ITPR1: variants seen among roughly 807,000 people sequenced by gnomAD.
ITPR1 encodes inositol 1,4,5-trisphosphate receptor type 1.
A neutral mutation model predicts 318.4 loss-of-function variants in ITPR1; 96 were observed. The ratio of observed to expected loss-of-function variants is 0.30; its 90% confidence interval spans 0.26 to 0.36. The LOEUF (loss-of-function observed/expected upper bound fraction) is 0.36, where lower values mean the gene tolerates loss of function less well. Ranked by LOEUF, ITPR1 falls within the 10% of genes least tolerant of loss-of-function variation. ITPR1 has a pLI of 1.00. For synonymous variants in ITPR1, 1,312 were observed against 1,289.9 expected (o/e 1.02, Z -0.37); for missense variants, 2,440 against 3,460.2 (o/e 0.71, Z 7.40).
intron 4 of ITPR1, among the ~76,000 whole-genome samples, chr3:4,589,905 G>A (rs1435200237): frequency 2.0e-5 from 3 of 152,192 alleles, no homozygotes; most frequent in Non-Finnish European, 2.9e-5. Context: ...GCCTCTGGAA[G>A]TGGGCCTATC....
chr3:4,775,602 C>T (rs2046434785), intron 47 of ITPR1, among the ~76,000 whole-genome samples, 160 bp downstream of exon 47: 1 of 152,212 alleles, frequency 6.6e-6, no homozygotes, highest in African/African-American at 2.4e-5. Context: ...CATGGTGTTT[C>T]ATGATACTTC....
At chr3:4,822,324 ACT>A (rs2049780752) in intron 60 of ITPR1, among the ~76,000 whole-genome samples, 3 of 151,982 alleles carry the variant, frequency 2.0e-5, no homozygotes, top group Admixed American at 2.0e-4. Flanking sequence ...TGGTTCCAAA[ACT>A]CTGCAAGACA....
chr3:4,728,627 T>C (rs2042692052), intron 42 of ITPR1, among the ~76,000 whole-genome samples: 1 of 152,254 alleles, frequency 6.6e-6, no homozygotes, highest in Non-Finnish European at 1.5e-5. Context: ...CTTTAAAATG[T>C]ACAATTATGT....
chr3:4,525,655 T>C lies in ITPR1; in HGVS notation c.163+4561T>C, dbSNP rs182634204. 1.7e-4 allele frequency among the ~76,000 whole-genome samples: 26 copies of C among 152,298 alleles called. No homozygotes were observed. In the East Asian group the frequency reaches 5.0e-3, roughly 29 times the overall value. On this transcript the variant is annotated intron_variant, in intron 4 of 61. Coordinates refer to ENST00000649015, the MANE Select transcript of ITPR1 (RefSeq NM_001378452.1). ...AACTTTAGTTCTTTTATTAATATGG[T>C]ACCATTTTAAAGCCCCAACATCCAT...
chr3:4,647,814 A>G lies in ITPR1; in HGVS notation c.855+2086A>G, dbSNP rs1161214226. Among the ~76,000 whole-genome samples, 8 of 152,318 alleles carry G rather than the reference A, an allele frequency of 5.3e-5. No homozygotes were observed. The South Asian group carries it at 1.7e-3, about 32-fold the overall frequency. ...AAATGTTTGTTCAGATAGTTTGCCC[A>G]TTTAAAAAAATTGTCTTACCACTCT... On this transcript the variant is annotated intron_variant, in intron 10 of 61. Coordinates refer to ENST00000649015, the MANE Select transcript of ITPR1 (RefSeq NM_001378452.1).
At chr3:4,694,214 A>G (rs1455856359) in intron 33 of ITPR1, among the ~76,000 whole-genome samples, 1 of 151,620 alleles carries the variant, frequency 6.6e-6, no homozygotes, top group Non-Finnish European at 1.5e-5. Flanking sequence ...TAAGTTTTGA[A>G]GTTAATCCTT....
chr3:4,721,908 G>A (rs966922961), intron 40 of ITPR1, among the ~76,000 whole-genome samples: 1 of 152,198 alleles, frequency 6.6e-6, no homozygotes, highest in Non-Finnish European at 1.5e-5. Flanking sequence ...ACCTTAGGAA[G>A]TCTGTGTGCT....
chr3:4,818,185 A>G lies in ITPR1; in HGVS notation c.7971A>G (p.Lys2657=), dbSNP rs2049433280. Residue 2657 remains lysine (K), a synonymous_variant, in exon 60 of 62, where the codon AAA becomes AAG. Transcript: ENST00000649015. ...ATCTGTGCTTCATCGTCCTGGTGAAAGTAAAGGACTCCACCGAATATACTG... is the reference window on the plus strand; with the variant it reads ...ATCTGTGCTTCATCGTCCTGGTGAAGGTAAAGGACTCCACCGAATATACTG... ...WHYLCFIVLV[K]VKDSTEYTGP... The G allele has an allele frequency of 2.5e-6, 4 of 1,601,554 alleles. No individual in the cohort carries two copies. The East Asian group carries it at 9.0e-5, about 36-fold the overall frequency.
intron 4 of ITPR1, among the ~76,000 whole-genome samples, chr3:4,584,727 T>C (rs913872944): frequency 2.6e-5 from 4 of 152,120 alleles, no homozygotes; most frequent in African/African-American, 4.8e-5. Context: ...GAGGCTTTTT[T>C]TGTCTTTGGC....
At chr3:4,607,475 C>T (rs2091782696) in intron 4 of ITPR1, among the ~76,000 whole-genome samples, 1 of 152,154 alleles carries the variant, frequency 6.6e-6, no homozygotes, top group African/African-American at 2.4e-5. Context: ...ATGGGTTCTT[C>T]TTGCCCACTG....
chr3:4,608,729 C>T (rs1466369406), intron 4 of ITPR1, among the ~76,000 whole-genome samples: 1 of 151,920 alleles, frequency 6.6e-6, no homozygotes, highest in African/African-American at 2.4e-5. Context: ...TGCCCGGGCA[C>T]GGTGGCTCAT....
At chr3:4,701,259 A>G (rs1054148586) in intron 35 of ITPR1, among the ~76,000 whole-genome samples, 5 of 152,240 alleles carry the variant, frequency 3.3e-5, no homozygotes, top group Non-Finnish European at 7.3e-5. Flanking sequence ...CAAATCCAGC[A>G]CTTACTGGCT....
intron 4 of ITPR1, among the ~76,000 whole-genome samples, chr3:4,573,669 C>A (rs2088282761): frequency 6.6e-6 from 1 of 152,204 alleles, no homozygotes; most frequent in South Asian, 2.1e-4. Context: ...CTAAGATTGT[C>A]CCTGCCTCAG....
intron 44 of ITPR1, among the ~76,000 whole-genome samples, chr3:4,760,428 T>C (rs1320246638): frequency 6.6e-6 from 1 of 152,228 alleles, no homozygotes; most frequent in Non-Finnish European, 1.5e-5. Flanking sequence ...TTTTAATTAT[T>C]ATTATTGTGA....
intron 4 of ITPR1, among the ~76,000 whole-genome samples, chr3:4,605,628 A>G (rs2091649476): frequency 6.6e-6 from 1 of 152,194 alleles, no homozygotes; most frequent in Non-Finnish European, 1.5e-5. Context: ...AAGAATATGA[A>G]TGATCAAGCA....
rs142018687 is a variant in ITPR1, at chr3:4,818,256, C to T, written c.8028+14C>T. On this transcript the variant is annotated intron_variant, in intron 60 of 61. Transcript: ENST00000649015. ...GAAATGATCAAGGTGAGTGGAAAGG[C>T]CTCCTGGGAGCAAGGTGGACTTGGG... The T allele has an allele frequency of 6.4e-7, 1 of 1,554,514 alleles. No homozygotes were observed. Among genetic ancestry groups the T allele is most frequent in the Non-Finnish European group, 8.8e-7 (1 of 1,136,752 alleles).
intron 2 of ITPR1, among the ~76,000 whole-genome samples, chr3:4,495,319 A>G (rs2080465427): frequency 6.6e-6 from 1 of 152,154 alleles, no homozygotes; most frequent in Non-Finnish European, 1.5e-5. Flanking sequence ...CTGGGTCTTA[A>G]TAACTTTTTT....
intron 36 of ITPR1, among the ~76,000 whole-genome samples, chr3:4,704,504 A>G (rs2094718198): frequency 6.6e-6 from 1 of 152,190 alleles, no homozygotes; most frequent in Non-Finnish European, 1.5e-5. Context: ...ATTAAGCAAT[A>G]CACTTCTGCA....
chr3:4,599,181 T>A (rs1219020880), intron 4 of ITPR1, among the ~76,000 whole-genome samples: 1 of 152,220 alleles, frequency 6.6e-6, no homozygotes, highest in African/African-American at 2.4e-5. Context: ...TAGTCCCGGT[T>A]TGCTGATATG....
Sources: allele counts gnomAD v4.1 joint callset (sites outside exome capture counted in the v4.1 genomes callset), GRCh38; gene constraint gnomAD v4.1.1; transcripts MANE v1.5; gene names NCBI Gene and HGNC (gene_info 2026-07-23, HGNC 2026-07-21).